The following ITPR1 variants were observed in gnomAD, a reference collection of about 807,000 sequenced individuals.
ITPR1 encodes the protein inositol 1,4,5-trisphosphate-gated calcium channel ITPR1.
In ITPR1, 96 loss-of-function variants were observed where a neutral mutation model predicts 318.4. That is an observed-to-expected ratio of 0.30 (90% confidence interval 0.26 to 0.36). The LOEUF (loss-of-function observed/expected upper bound fraction) is 0.36, where lower values mean the gene tolerates loss of function less well. Ranked by LOEUF, ITPR1 falls within the 10% of genes least tolerant of loss-of-function variation. The pLI, the probability that ITPR1 is intolerant of heterozygous loss-of-function variation, is 1.00. For synonymous variants in ITPR1, 1,312 were observed against 1,289.9 expected (o/e 1.02, Z -0.37); for missense variants, 2,440 against 3,460.2 (o/e 0.71, Z 7.40).
At chr3:4,621,775 C>T (rs2092644490) in intron 4 of ITPR1, among the ~76,000 whole-genome samples, 1 of 152,216 alleles carries the variant, frequency 6.6e-6, no homozygotes, top group South Asian at 2.1e-4. Context: ...TTTCTTCCAG[C>T]TCAGGGCGTT....
intron 10 of ITPR1, among the ~76,000 whole-genome samples, chr3:4,647,332 G>A (rs1253280149): frequency 1.3e-5 from 2 of 152,002 alleles, no homozygotes; most frequent in Non-Finnish European, 2.9e-5. Context: ...CCAACTTCTG[G>A]CTATTTCAAA....
intron 4 of ITPR1, among the ~76,000 whole-genome samples, chr3:4,586,867 T>C (rs894719712): frequency 6.6e-6 from 1 of 152,118 alleles, no homozygotes; most frequent in African/African-American, 2.4e-5. Flanking sequence ...CTATGCTCTC[T>C]TTTAAACTTC....
chr3:4,844,979 G>T (rs2051651005), intron 61 of ITPR1, among the ~76,000 whole-genome samples: 1 of 152,206 alleles, frequency 6.6e-6, no homozygotes, highest in Non-Finnish European at 1.5e-5. Context: ...ATGAGTTCAT[G>T]TGAAAAGTGA....
rs754002503 is a variant in ITPR1, at chr3:4,609,051, A to AATATATATATATATATATAT, written c.164-18692_164-18673dup. On this transcript the variant is annotated intron_variant, in intron 4 of 61. Transcript: ENST00000649015. ...CAAAAGAAAACAACAACAACAACGA[A>AATATATATATATATATATAT]ATATATATATATATATATATATATA... 9.9e-4 allele frequency among the ~76,000 whole-genome samples: 46 copies of AATATATATATATATATATAT among 46,544 alleles called. 1 individual carries two copies. Among genetic ancestry groups the AATATATATATATATATATAT allele is most frequent in the East Asian group, 2.2e-3 (1 of 464 alleles). The allele number at this position is 46,544 out of a possible 152,430, so 30.5% of individuals were successfully genotyped here.
chr3:4,703,053 C>T (rs2094688669), intron 36 of ITPR1, 103 bp downstream of exon 36: 7 of 1,314,368 alleles, frequency 5.3e-6, no homozygotes, highest in African/African-American at 1.5e-5. Context: ...TCTAAAGTTA[C>T]ACAGACAGGA....
intron 4 of ITPR1, among the ~76,000 whole-genome samples, chr3:4,561,282 GAGA>G (rs748132006): frequency 5.3e-5 from 8 of 152,284 alleles, no homozygotes; most frequent in Middle Eastern, 3.4e-3. Context: ...TGCCCTAATG[GAGA>G]AGGACGACGT....
At chr3:4,661,152 G>C (rs761970911) in intron 14 of ITPR1, 65 bp downstream of exon 14, 4 of 901,986 alleles carry the variant, frequency 4.4e-6, no homozygotes, top group Non-Finnish European at 7.3e-6. Context: ...GCTCCTTTGA[G>C]GACAGATCAG....
At chr3:4,775,671 G>C (rs562740125) in intron 47 of ITPR1, among the ~76,000 whole-genome samples, 2 of 152,308 alleles carry the variant, frequency 1.3e-5, no homozygotes, top group African/African-American at 4.8e-5. Context: ...CCTTGGCTAG[G>C]TTTGGCTTCA....
chr3:4,725,030 C>T (rs2042408065), intron 40 of ITPR1, among the ~76,000 whole-genome samples: 1 of 152,122 alleles, frequency 6.6e-6, no homozygotes, highest in African/African-American at 2.4e-5. Flanking sequence ...AGGTCTTCTT[C>T]TCTGCTGTAG....
At chr3:4,512,420 T>C (rs2081905127) in intron 2 of ITPR1, among the ~76,000 whole-genome samples, 1 of 152,210 alleles carries the variant, frequency 6.6e-6, no homozygotes, top group Non-Finnish European at 1.5e-5. Context: ...TATTCCATGA[T>C]TCTGTGTTTT....
intron 2 of ITPR1, among the ~76,000 whole-genome samples, chr3:4,501,167 T>G (rs2080994369): frequency 6.8e-6 from 1 of 147,066 alleles, no homozygotes; most frequent in South Asian, 2.1e-4. Context: ...CAGCCAAACT[T>G]TTTTTTTTTT....
At chr3:4,556,174 A>G (rs2086105191) in intron 4 of ITPR1, among the ~76,000 whole-genome samples, 1 of 151,984 alleles carries the variant, frequency 6.6e-6, no homozygotes, top group Admixed American at 6.6e-5. Context: ...GAGGTTTCTC[A>G]TATGTCCCTT....
chr3:4,815,862 C>T (rs2049261965), intron 59 of ITPR1, among the ~76,000 whole-genome samples: 1 of 151,920 alleles, frequency 6.6e-6, no homozygotes, highest in Non-Finnish European at 1.5e-5. Context: ...CCCTTAAAAC[C>T]TTTTTAAGCT....
chr3:4,680,520 C>A (rs1158037153), intron 24 of ITPR1, 33 bp from the exon 25 acceptor site: 3 of 1,602,868 alleles, frequency 1.9e-6, no homozygotes, highest in Non-Finnish European at 2.6e-6. Context: ...GTTAATGTAA[C>A]CAATCTGTTT....
At chr3:4,556,736 T>A (rs2086170064) in intron 4 of ITPR1, among the ~76,000 whole-genome samples, 1 of 152,206 alleles carries the variant, frequency 6.6e-6, no homozygotes, top group Non-Finnish European at 1.5e-5. Flanking sequence ...GTTGGTTGCT[T>A]CCAAGTTTTG....
intron 4 of ITPR1, among the ~76,000 whole-genome samples, chr3:4,618,538 C>T (rs1226887371): frequency 1.3e-5 from 2 of 152,160 alleles, no homozygotes; most frequent in East Asian, 3.8e-4. Flanking sequence ...CGCTAATGAG[C>T]CAAAGACATA....
At chr3:4,702,055 A>G (rs1345427353) in intron 35 of ITPR1, among the ~76,000 whole-genome samples, 20 of 152,220 alleles carry the variant, frequency 1.3e-4, no homozygotes, top group Admixed American at 1.2e-3. Flanking sequence ...ACACACAGCT[A>G]TCTATCTTTG....
rs2094143216 is a variant in ITPR1, at chr3:4,674,264, T to C, written c.2519T>C (p.Phe840Ser). ...IKERFAQTME[F>S]VEEYLRDVVC... ...GAGAGATTTGCTCAGACCATGGAGT[T>C]TGTGGAGGAGTATTTAAGAGATGTG... Residue 840 changes from phenylalanine to serine, a missense_variant, in exon 22 of 62, where the codon TTT becomes TCT. By Grantham distance (155) the Phe-to-Ser change is radical. Around this residue, in one of 23 missense-constraint regions of ITPR1, gnomAD observed 478 missense variants for 696.3 expected, o/e 0.69. Coordinates refer to ENST00000649015, the MANE Select transcript of ITPR1 (RefSeq NM_001378452.1). 6.3e-7 allele frequency: 1 copy of C among 1,584,368 alleles called. No homozygotes were observed.
intron 4 of ITPR1, among the ~76,000 whole-genome samples, chr3:4,579,528 C>T (rs1002128078): frequency 6.6e-6 from 1 of 152,162 alleles, no homozygotes; most frequent in African/African-American, 2.4e-5. Flanking sequence ...TTAAATAACT[C>T]TGAAATTGGT....
Sources: gnomAD v4.1 joint callset for allele counts (sites outside exome capture counted in the v4.1 genomes callset) on GRCh38, gnomAD v4.1.1 for gene constraint, gnomAD v4.1.1 regional missense constraint, MANE v1.5 for transcripts, NCBI Gene and HGNC (gene_info 2026-07-23, HGNC 2026-07-21) for gene names.